Variants in PLCH2 observed in about 807,000 individuals in gnomAD.
PLCH2 encodes the protein 1-phosphatidylinositol 4,5-bisphosphate phosphodiesterase eta-2.
Under a neutral mutation model 134.7 loss-of-function variants are expected in PLCH2, and 98 were observed. The observed-to-expected ratio is 0.73, with a 90% CI of 0.62 to 0.86. PLCH2 has a LOEUF of 0.86. Among genes scored for constraint, PLCH2 ranks in the 40% least tolerant of loss-of-function variants. PLCH2 has a pLI of 0.00. For synonymous variants in PLCH2, 974 were observed against 827.5 expected (o/e 1.18, Z -3.04); for missense variants, 1,994 against 1,986.6 (o/e 1.00, Z -0.07).
intron 2 of PLCH2, 42 bp from the exon 3 acceptor site, chr1:2,479,692 G>A: frequency 6.6e-7 from 1 of 1,508,024 alleles, no homozygotes; most frequent in Non-Finnish European, 8.9e-7. Flanking sequence ...GGGGACGCTG[G>A]GCCCCCGGGG....
At chr1:2,482,154 G>C (rs1198591869) in intron 4 of PLCH2, among the ~76,000 whole-genome samples, 1 of 152,252 alleles carries the variant, frequency 6.6e-6, no homozygotes, top group Non-Finnish European at 1.5e-5. Flanking sequence ...GACTGTGTCA[G>C]GGGTGTTCTA....
In PLCH2 at chr1:2,505,479, A is replaced by C. The variant is rs905735591; in HGVS notation, c.*266A>C. The C allele has an allele frequency of 7.9e-6, 4 of 504,098 alleles. 1 individual carries two copies. Among genetic ancestry groups the C allele is most frequent in the South Asian group, 2.9e-5 (1 of 34,634 alleles). 31.2% of individuals were successfully genotyped at this position (504,098 alleles called of 1,614,324 possible). On this transcript the variant is annotated 3_prime_UTR_variant, in exon 22 of 22. Coordinates refer to ENST00000378486, the MANE Select transcript of PLCH2 (RefSeq NM_014638.4). ...GGATCTGTACATAGAGAAATATTTA[A>C]ATTTTTAGAAGCAAAACTTATACAA...
chr1:2,450,466 T>A (rs1408734549), intron 2 of PLCH2, among the ~76,000 whole-genome samples: 1 of 150,862 alleles, frequency 6.6e-6, no homozygotes, highest in Non-Finnish European at 1.5e-5. Context: ...TGCCCCCAAC[T>A]CGGCCTGCCT....
chr1:2,499,182 C>T lies in PLCH2; in HGVS notation c.2533C>T (p.Arg845Cys), dbSNP rs369356142. Residue 845 changes from arginine to cysteine, a missense_variant, in exon 19 of 22, where the codon CGT becomes TGT. Arg to Cys is a radical substitution (Grantham distance 180, BLOSUM62 -3). Coordinates refer to ENST00000378486, the MANE Select transcript of PLCH2 (RefSeq NM_014638.4). ...CGTCTGGGACCACGATCCCATCGGGCGTGACTTCATTGGCCAGAGGACGCT... is the reference window on the plus strand; with the variant it reads ...CGTCTGGGACCACGATCCCATCGGGTGTGACTTCATTGGCCAGAGGACGCT... ...FLVWDHDPIG[R>C]DFIGQRTLAF... is the part of the protein sequence containing the mutation. The T allele has an allele frequency of 2.9e-5, 46 of 1,613,078 alleles. 1 individual carries two copies. The highest frequency in any genetic ancestry group is 1.2e-4 in the Admixed American group (7 of 59,982).
chr1:2,502,766 C>T (rs1279893667), intron 21 of PLCH2: 1 of 716,758 alleles, frequency 1.4e-6, no homozygotes, highest in East Asian at 2.7e-5. Flanking sequence ...CTCCAGCAGC[C>T]CAGACAGCCC....
In PLCH2 at chr1:2,495,585, C is replaced by G. The variant is rs978082879; in HGVS notation, c.1835+15C>G. 1 of 1,530,812 alleles carries G rather than the reference C, an allele frequency of 6.5e-7. No individual in the cohort carries two copies. The highest frequency in any genetic ancestry group is 8.8e-7 in the Non-Finnish European group (1 of 1,133,902). The allele number at this position is 1,530,812 out of a possible 1,614,324, so 94.8% of individuals were successfully genotyped here. A position where few individuals can be genotyped will look rare whatever the true frequency, so the allele number is the denominator to read the frequency against. On this transcript the variant is annotated intron_variant, in intron 13 of 21. Transcript: ENST00000378486. ...CAGAGCCGAGGGTAGGTGCCCTGCC[C>G]CACGGGGAGGCCCCGCACACTCCTG...
At position 2,478,575 on chromosome 1, in the gene PLCH2, G is replaced by A. The variant is rs745920910; in HGVS notation, c.224G>A (p.Arg75His). 17 of 1,612,138 alleles carry A rather than the reference G, an allele frequency of 1.1e-5. No homozygotes were observed. Among genetic ancestry groups the A allele is most frequent in the African/African-American group, 2.7e-5 (2 of 74,904 alleles). The change falls in exon 2 of 22, where the codon CGC becomes CAC. Residue 75 changes from arginine (R) to histidine (H), a missense_variant. Transcript: ENST00000378486. ...CGCTTCTACTACCTGGACGAGCACC[G>A]CTCCTGCATCCGCTGGAGGCCCTCA... ...LVRFYYLDEH[R>H]SCIRWRPSRK... is the part of the protein sequence containing the mutation.
chr1:2,490,656 C>T (rs751830217), intron 10 of PLCH2, among the ~76,000 whole-genome samples: 3 of 152,234 alleles, frequency 2.0e-5, no homozygotes, highest in East Asian at 1.9e-4. Flanking sequence ...CTGGGATGTG[C>T]GGCACACGCC....
At chr1:2,458,098 C>T (rs935136968) in intron 2 of PLCH2, among the ~76,000 whole-genome samples, 1 of 152,060 alleles carries the variant, frequency 6.6e-6, no homozygotes, top group Admixed American at 6.6e-5. Context: ...TGGGCCATGC[C>T]GTCACTGTGG....
At chr1:2,429,950 A>G (rs1441492900) in intron 1 of PLCH2, among the ~76,000 whole-genome samples, 1 of 152,160 alleles carries the variant, frequency 6.6e-6, no homozygotes. Flanking sequence ...GGTTTCTGTA[A>G]AGCGACTCCT....
In PLCH2 at chr1:2,502,321, G is replaced by A; in HGVS notation, c.2871G>A (p.Lys957=). The change falls in exon 21 of 22, where the codon AAG becomes AAA. Residue 957 remains lysine, a synonymous_variant. Transcript: ENST00000378486. Reference sequence around the variant, plus strand: ...TGGGTACACGGGACACAGGCTCCAAGGGGGTGGCAGACGATGTGGTGCCCC... The same window carrying A: ...TGGGTACACGGGACACAGGCTCCAAAGGGGTGGCAGACGATGTGGTGCCCC... ...LVLGTRDTGS[K]GVADDVVPPG... 2 of 1,535,590 alleles carry A rather than the reference G, an allele frequency of 1.3e-6. No homozygotes were observed. The highest frequency in any genetic ancestry group is 1.2e-5 in the South Asian group (1 of 82,398).
chr1:2,416,386 G>C, the PLCH2 span, among the ~76,000 whole-genome samples: 1 of 69,432 alleles, frequency 1.4e-5, no homozygotes, highest in Non-Finnish European at 2.6e-5. Flanking sequence ...CCACAAGCTG[G>C]CCCCGAGTAC....
chr1:2,457,499 C>G (rs1280607731), intron 2 of PLCH2, among the ~76,000 whole-genome samples: 1 of 152,198 alleles, frequency 6.6e-6, no homozygotes, highest in Non-Finnish European at 1.5e-5. Context: ...TGGCCTTCCT[C>G]CCGGGACGCT....
rs187593339 is a variant in PLCH2, at chr1:2,502,475, G to A, written c.2959+66G>A. ...AGTGCGGCCCCCGCGTGTCCTGGAC[G>A]GCCCCGGGCCTGCTGGGATGGCCGC... On this transcript the variant is annotated intron_variant, in intron 21 of 21. Coordinates refer to ENST00000378486, the MANE Select transcript of PLCH2 (RefSeq NM_014638.4). 3.1e-4 allele frequency: 456 copies of A among 1,450,892 alleles called. 3 individuals carry two copies. In the African/African-American group the frequency reaches 5.0e-3, roughly 16 times the overall value. 89.9% of individuals were successfully genotyped at this position (1,450,892 alleles called of 1,614,324 possible).
At chr1:2,461,384 G>T (rs1640794485) in intron 2 of PLCH2, among the ~76,000 whole-genome samples, 1 of 152,210 alleles carries the variant, frequency 6.6e-6, no homozygotes, top group South Asian at 2.1e-4. Context: ...AGGGAGGAGG[G>T]AGGCATGTGG....
upstream of PLCH2, among the ~76,000 whole-genome samples, chr1:2,474,678 G>A (rs1029449159): frequency 4.6e-5 from 7 of 152,220 alleles, no homozygotes; most frequent in Admixed American, 2.6e-4. Context: ...GGTGAGAGAC[G>A]GGAGCACCCC....
In PLCH2 at chr1:2,476,316, C is replaced by T. The variant is rs1381621023; in HGVS notation, c.-273C>T. The T allele has an allele frequency of 3.5e-5, 13 of 368,038 alleles. No individual in the cohort carries two copies. Among genetic ancestry groups the T allele is most frequent in the South Asian group, 9.0e-5 (1 of 11,068 alleles). The allele number at this position is 368,038 out of a possible 1,614,324, so 22.8% of individuals were successfully genotyped here. On this transcript the variant is annotated 5_prime_UTR_variant, in exon 1 of 22. Coordinates refer to ENST00000378486, the MANE Select transcript of PLCH2 (RefSeq NM_014638.4). ...CCTTTGCTCCCCCAGCCTTGGGAGG[C>T]GGCTGCGTCAGGGATTCCTTGGTGG...
At chr1:2,441,419 T>C (rs2494425) in intron 2 of PLCH2, among the ~76,000 whole-genome samples, 106,547 of 152,150 alleles carry the variant, frequency 0.7, 39,455 homozygotes, top group East Asian at 0.93. Context: ...AGCCTGGGGA[T>C]GTTCATTCAC....
In PLCH2 at chr1:2,496,905, C is replaced by T; in HGVS notation, c.2011C>T (p.Leu671=). The T allele has an allele frequency of 6.2e-7, 1 of 1,613,158 alleles. No homozygotes were observed. Among genetic ancestry groups the T allele is most frequent in the South Asian group, 1.1e-5 (1 of 91,078 alleles). Residue 671 remains leucine, a synonymous_variant, in exon 15 of 22, where the codon CTA becomes TTA. Transcript: ENST00000378486. ...QILQQKPAQY[L]RFNQQQLSRI... is the part of the protein sequence containing the mutation. Reference sequence around the variant, plus strand: ...TCTGCAGCAGAAGCCGGCGCAGTACCTACGCTTCAACCAGCAGCAGCTCTC... The same window carrying T: ...TCTGCAGCAGAAGCCGGCGCAGTACTTACGCTTCAACCAGCAGCAGCTCTC...
Sources: gnomAD v4.1 joint callset for allele counts (sites outside exome capture counted in the v4.1 genomes callset) on GRCh38, gnomAD v4.1.1 for gene constraint, MANE v1.5 for transcripts, NCBI Gene and HGNC (gene_info 2026-07-23, HGNC 2026-07-21) for gene names.